The following IFT80 variants were observed in gnomAD, a reference collection of about 807,000 sequenced individuals.
IFT80 encodes the protein intraflagellar transport protein 80 homolog.
A neutral mutation model predicts 107.9 loss-of-function variants in IFT80; 79 were observed. The ratio of observed to expected loss-of-function variants is 0.73; its 90% confidence interval spans 0.61 to 0.88. The LOEUF is 0.88. IFT80 is among the 40% of genes least tolerant of loss of function. The probability of loss-of-function intolerance (pLI) is 0.00; values close to 1 mark genes in which losing one functional copy is unlikely to be tolerated. For synonymous variants in IFT80, 299 were observed against 300.9 expected, an observed-to-expected ratio of 0.99 and a Z score of 0.07; for missense variants, 797 against 914.2, an observed-to-expected ratio of 0.87 and a Z score of 1.65.
At chr3:160,387,675 G>A (rs1271996868) in intron 1 of IFT80, among the ~76,000 whole-genome samples, 1 of 152,158 alleles carries the variant, frequency 6.6e-6, no homozygotes, top group Non-Finnish European at 1.5e-5. Flanking sequence ...ACAACCCAAT[G>A]GAGAAGTCAA....
intron 8 of IFT80, among the ~76,000 whole-genome samples, chr3:160,349,474 G>A (rs1720522467): frequency 1.3e-5 from 2 of 151,594 alleles, no homozygotes; most frequent in African/African-American, 4.8e-5. Context: ...AAGGAACACT[G>A]CACCTCAACT....
chr3:160,385,619 C>T (rs1712867988), intron 1 of IFT80, among the ~76,000 whole-genome samples: 1 of 152,210 alleles, frequency 6.6e-6, no homozygotes, highest in Admixed American at 6.5e-5. Flanking sequence ...GCACTCTTTT[C>T]ACTTCTTTCT....
intron 8 of IFT80, 104 bp downstream of exon 8, chr3:160,355,909 A>G: frequency 8.3e-7 from 1 of 1,200,946 alleles, no homozygotes; most frequent in South Asian, 1.2e-5. Context: ...AGATTCAACC[A>G]GATGCATCCA....
intron 8 of IFT80, among the ~76,000 whole-genome samples, chr3:160,332,084 T>C (rs565694579): frequency 3.2e-4 from 48 of 152,214 alleles, no homozygotes; most frequent in Admixed American, 1.3e-3. Flanking sequence ...TTATTTCCTG[T>C]AAATTAGTAG....
chr3:160,268,844 C>CT (rs796798669), intron 18 of IFT80: 39 of 312,862 alleles, frequency 1.2e-4, no homozygotes, highest in South Asian at 1.1e-3. Flanking sequence ...TGTTATGAGT[C>CT]TTTTTTCTCC....
chr3:160,359,563 C>A (rs1007739238), intron 6 of IFT80, among the ~76,000 whole-genome samples: 1 of 152,138 alleles, frequency 6.6e-6, no homozygotes, highest in Non-Finnish European at 1.5e-5. Context: ...TGTAGCCTAA[C>A]TGGGAGACAG....
chr3:160,325,114 C>T (rs1363665392), intron 8 of IFT80, among the ~76,000 whole-genome samples: 1 of 150,976 alleles, frequency 6.6e-6, no homozygotes, highest in Non-Finnish European at 1.5e-5. Context: ...CAAACCACTG[C>T]TCAATGAAAT....
intron 12 of IFT80, among the ~76,000 whole-genome samples, chr3:160,290,733 T>C (rs1715491260): frequency 6.6e-6 from 1 of 152,084 alleles, no homozygotes; most frequent in Non-Finnish European, 1.5e-5. Context: ...GCTAATTTTT[T>C]TGTATTTTTA....
intron 6 of IFT80, among the ~76,000 whole-genome samples, chr3:160,358,130 C>T (rs931394862): frequency 2.0e-5 from 3 of 152,062 alleles, no homozygotes; most frequent in Non-Finnish European, 4.4e-5. Flanking sequence ...GCCTCAGCCT[C>T]CCAAGTAGCT....
At chr3:160,360,562 A>G (rs1231495675) in intron 6 of IFT80, among the ~76,000 whole-genome samples, 1 of 152,210 alleles carries the variant, frequency 6.6e-6, no homozygotes, top group Non-Finnish European at 1.5e-5. Flanking sequence ...TGTCAGATTC[A>G]CCAAGGTAGA....
chr3:160,381,431 C>G, intron 3 of IFT80, 72 bp downstream of exon 3: 1 of 1,174,082 alleles, frequency 8.5e-7, no homozygotes, highest in Middle Eastern at 2.2e-4. Context: ...TGTAAAACAA[C>G]TCAAAGCATA....
At chr3:160,319,082 T>C (rs1718020785) in intron 9 of IFT80, among the ~76,000 whole-genome samples, 1 of 152,092 alleles carries the variant, frequency 6.6e-6, no homozygotes, top group Non-Finnish European at 1.5e-5. Flanking sequence ...TCATCAAATG[T>C]AGCGTAAAAG....
chr3:160,361,203 G>C (rs1432308880), intron 6 of IFT80, among the ~76,000 whole-genome samples: 1 of 151,810 alleles, frequency 6.6e-6, no homozygotes, highest in Non-Finnish European at 1.5e-5. Context: ...CAAATGGAAA[G>C]CAAAAAAAGC....
intron 8 of IFT80, among the ~76,000 whole-genome samples, chr3:160,332,004 A>G (rs540470077): frequency 6.3e-5 from 9 of 143,666 alleles, no homozygotes; most frequent in African/African-American, 2.2e-4. Flanking sequence ...CATATGTCCT[A>G]TAAAATTTCC....
rs778101637 is a variant in IFT80 at position 160,307,655 on chromosome 3, A to G, written c.1076+8T>C. The G allele has an allele frequency of 4.5e-5, 62 of 1,363,654 alleles. No homozygotes were observed. Among genetic ancestry groups the G allele is most frequent in the Non-Finnish European group, 6.0e-5 (57 of 952,404 alleles). 84.5% of individuals were successfully genotyped at this position (1,363,654 alleles called of 1,614,324 possible). On this transcript the variant is annotated splice_region_variant and intron_variant, in intron 10 of 19. Transcript: ENST00000326448. ...ACTCTGAAATTTTAAGAAATGCAAG[A>G]TGCTTACGAGAACACGTAACATTGA... is the stretch of plus-strand genomic sequence containing the variant.
At chr3:160,356,888 T>C (rs1489026605) in intron 7 of IFT80, among the ~76,000 whole-genome samples, 2 of 152,190 alleles carry the variant, frequency 1.3e-5, no homozygotes, top group East Asian at 3.8e-4. Flanking sequence ...AAAGTATTTA[T>C]TTCAATTTAA....
intron 8 of IFT80, among the ~76,000 whole-genome samples, chr3:160,330,410 C>T (rs371268823): frequency 4.6e-5 from 7 of 152,322 alleles, no homozygotes; most frequent in African/African-American, 1.7e-4. Flanking sequence ...ACAACCTTTT[C>T]TTAGCCTCTA....
rs201848773 is a variant in IFT80 at position 160,282,554 on chromosome 3, A to C, written c.1440T>G (p.Ala480=). 1.9e-6 allele frequency: 3 copies of C among 1,593,984 alleles called. No homozygotes were observed. The South Asian group carries it at 3.4e-5, about 18-fold the overall frequency. ...QKGLTNDRKI[A]FIDKNRDLCI... ...AGAGATCTCTATTTTTATCAATGAA[A>C]GCAATTTTTCTATCATTGGTAAGTC... Residue 480 remains alanine, a synonymous_variant, in exon 14 of 20, where the codon GCT becomes GCG. Coordinates refer to ENST00000326448, the MANE Select transcript of IFT80 (RefSeq NM_020800.3).
At chr3:160,260,973 A>T (rs1274282636) in intron 19 of IFT80, among the ~76,000 whole-genome samples, 4 of 152,138 alleles carry the variant, frequency 2.6e-5, no homozygotes, top group Non-Finnish European at 2.9e-5. Flanking sequence ...ATCTACACCC[A>T]TCATTATCTT....
Sources: allele counts gnomAD v4.1 joint callset (sites outside exome capture counted in the v4.1 genomes callset), GRCh38; gene constraint gnomAD v4.1.1; transcripts MANE v1.5; gene names NCBI Gene and HGNC (gene_info 2026-07-23, HGNC 2026-07-21).